CLSTN2: variants seen among roughly 807,000 people sequenced by gnomAD.
CLSTN2 encodes the protein calsyntenin 2, also known as calsyntenin-2.
A neutral mutation model predicts 101.2 loss-of-function variants in CLSTN2; 48 were observed. That is an observed-to-expected ratio of 0.47 (90% CI 0.38 to 0.60). CLSTN2 has a LOEUF of 0.60. CLSTN2 is among the 20% of genes least tolerant of loss of function. The probability of loss-of-function intolerance (pLI) is 0.00; values close to 1 mark genes in which losing one functional copy is unlikely to be tolerated. For synonymous variants in CLSTN2, 481 were observed against 463.6 expected, an observed-to-expected ratio of 1.04 and a Z score of -0.48; for missense variants, 1,160 against 1,238.2, an observed-to-expected ratio of 0.94 and a Z score of 0.95.
At chr3:140,191,686 T>C (rs984838996) in intron 2 of CLSTN2, among the ~76,000 whole-genome samples, 5 of 151,976 alleles carry the variant, frequency 3.3e-5, no homozygotes, top group African/African-American at 1.2e-4. Context: ...TTGACAAATT[T>C]ATGTAGTTGT....
intron 2 of CLSTN2, among the ~76,000 whole-genome samples, chr3:140,385,579 G>A (rs770400995): frequency 1.6e-4 from 24 of 151,716 alleles, no homozygotes; most frequent in Non-Finnish European, 2.1e-4. Flanking sequence ...GGGTTTCACC[G>A]TGTTATCCAG....
chr3:140,235,772 G>GC (rs770038709), intron 2 of CLSTN2, among the ~76,000 whole-genome samples: 1 of 152,188 alleles, frequency 6.6e-6, no homozygotes, highest in Non-Finnish European at 1.5e-5. Flanking sequence ...GTAGATGAAT[G>GC]CCTTATGATT....
At chr3:139,965,559 GAGAA>G (rs1935581306) in intron 1 of CLSTN2, among the ~76,000 whole-genome samples, 1 of 152,184 alleles carries the variant, frequency 6.6e-6, no homozygotes. Context: ...ATCCAGATTC[GAGAA>G]AGAGTGTCTA....
intron 5 of CLSTN2, among the ~76,000 whole-genome samples, chr3:140,422,913 A>G (rs1296428492): frequency 2.0e-5 from 3 of 152,254 alleles, no homozygotes; most frequent in Non-Finnish European, 2.9e-5. Context: ...AAGAAAAGGT[A>G]TATGAGTTAA....
chr3:140,542,361 A>G (rs1179699151), intron 9 of CLSTN2, among the ~76,000 whole-genome samples: 1 of 152,210 alleles, frequency 6.6e-6, no homozygotes, highest in Admixed American at 6.5e-5. Context: ...TGCTTTAAAA[A>G]TGGGTGCAGA....
At chr3:140,123,165 G>T (rs943360212) in intron 1 of CLSTN2, among the ~76,000 whole-genome samples, 4 of 125,076 alleles carry the variant, frequency 3.2e-5, no homozygotes, top group Non-Finnish European at 3.3e-5. Flanking sequence ...GTCCTCCAGG[G>T]CGGGGGGGTG....
chr3:140,175,067 A>G (rs898003087), intron 1 of CLSTN2, among the ~76,000 whole-genome samples: 1 of 152,088 alleles, frequency 6.6e-6, no homozygotes, highest in African/African-American at 2.4e-5. Flanking sequence ...CTGTGCCACA[A>G]TTTTCCCTTT....
chr3:139,992,290 G>C (rs1019931235), intron 1 of CLSTN2, among the ~76,000 whole-genome samples: 2 of 152,190 alleles, frequency 1.3e-5, no homozygotes, highest in African/African-American at 4.8e-5. Flanking sequence ...ATGACTCTTA[G>C]AGGGAGAAGA....
chr3:140,017,928 G>T (rs528988596), intron 1 of CLSTN2, among the ~76,000 whole-genome samples: 1 of 152,316 alleles, frequency 6.6e-6, no homozygotes, highest in South Asian at 2.1e-4. Context: ...CTATGCCAGA[G>T]ATTATTTTTC....
chr3:140,536,703 A>T (rs1193279842), intron 9 of CLSTN2, among the ~76,000 whole-genome samples: 1 of 152,202 alleles, frequency 6.6e-6, no homozygotes, highest in African/African-American at 2.4e-5. Flanking sequence ...AGCAGAGGAA[A>T]AATTCTTAAG....
At chr3:140,003,447 G>C (rs1321609239) in intron 1 of CLSTN2, among the ~76,000 whole-genome samples, 1 of 152,002 alleles carries the variant, frequency 6.6e-6, no homozygotes, top group African/African-American at 2.4e-5. Context: ...ATAGCTTTTT[G>C]TGGAATCTTA....
At chr3:140,282,029 CTG>C (rs2086852260) in intron 2 of CLSTN2, among the ~76,000 whole-genome samples, 1 of 152,148 alleles carries the variant, frequency 6.6e-6, no homozygotes, top group South Asian at 2.1e-4. Flanking sequence ...CAGCCCAAAA[CTG>C]TATGTGTTTG....
intron 2 of CLSTN2, among the ~76,000 whole-genome samples, chr3:140,342,202 A>G (rs1339295029): frequency 6.6e-6 from 1 of 152,086 alleles, no homozygotes; most frequent in East Asian, 1.9e-4. Flanking sequence ...CGGACTGGGT[A>G]ATTATTTGTT....
chr3:140,088,589 C>A (rs2008717619), intron 1 of CLSTN2, among the ~76,000 whole-genome samples: 1 of 152,174 alleles, frequency 6.6e-6, no homozygotes, highest in Non-Finnish European at 1.5e-5. Context: ...ACAAAGGAAG[C>A]CATCTCTCCC....
intron 1 of CLSTN2, among the ~76,000 whole-genome samples, chr3:140,008,718 T>A (rs968020178): frequency 6.6e-6 from 1 of 152,226 alleles, no homozygotes; most frequent in Non-Finnish European, 1.5e-5. Context: ...GTATTACAAT[T>A]TGACTCCAGA....
At position 140,427,241 on chromosome 3, in the gene CLSTN2, A is replaced by G. The variant is rs111667563; in HGVS notation, c.787+5967A>G. On this transcript the variant is annotated intron_variant, in intron 5 of 16. Transcript: ENST00000458420. ...TATATATATGTGTGTATATATATATATATACATATATATATACATAAATTA... is the reference window on the plus strand; with the variant it reads ...TATATATATGTGTGTATATATATATGTATACATATATATATACATAAATTA... Among the ~76,000 whole-genome samples the G allele has an allele frequency of 8.9e-4, 118 of 133,084 alleles. 12 individuals carry two copies. The highest frequency in any genetic ancestry group is 3.8e-3 in the African/African-American group (113 of 29,606). The allele number at this position is 133,084 out of a possible 152,430, so 87.3% of individuals were successfully genotyped here. A position where few individuals can be genotyped will look rare whatever the true frequency, so the allele number is the denominator to read the frequency against.
intron 6 of CLSTN2, among the ~76,000 whole-genome samples, chr3:140,451,769 C>G (rs573794972): frequency 6.6e-6 from 1 of 152,294 alleles, no homozygotes; most frequent in South Asian, 2.1e-4. Context: ...AGACAAGTTT[C>G]TGTGTGTCTT....
intron 2 of CLSTN2, among the ~76,000 whole-genome samples, chr3:140,337,447 G>A (rs2087454637): frequency 6.6e-6 from 1 of 151,956 alleles, no homozygotes; most frequent in Non-Finnish European, 1.5e-5. Context: ...TTCTTTTAAG[G>A]ACACCAGTTA....
intron 2 of CLSTN2, among the ~76,000 whole-genome samples, chr3:140,394,639 C>T (rs1291739362): frequency 6.6e-6 from 1 of 151,226 alleles, no homozygotes; most frequent in Non-Finnish European, 1.5e-5. Context: ...AACTTTTTGT[C>T]CATCTGCCTC....
Sources: allele counts gnomAD v4.1 joint callset (sites outside exome capture counted in the v4.1 genomes callset), GRCh38; gene constraint gnomAD v4.1.1; transcripts MANE v1.5; gene names NCBI Gene and HGNC (gene_info 2026-07-23, HGNC 2026-07-21).